DNAI4: variants seen among roughly 807,000 people sequenced by gnomAD.
DNAI4 encodes WD repeat domain 78.
In DNAI4, 85 loss-of-function variants were observed where a neutral mutation model predicts 105.8. The ratio of observed to expected loss-of-function variants is 0.80; its 90% confidence interval spans 0.67 to 0.96. The LOEUF (loss-of-function observed/expected upper bound fraction) is 0.96, where lower values mean the gene tolerates loss of function less well. Ranked by LOEUF, DNAI4 falls within the 40% of genes least tolerant of loss-of-function variation. DNAI4 has a pLI of 0.00. For synonymous variants in DNAI4, 352 were observed against 331.5 expected, an observed-to-expected ratio of 1.06 and a Z score of -0.67; for missense variants, 1,014 against 1,005.6, an observed-to-expected ratio of 1.01 and a Z score of -0.11.
At chr1:66,864,876 G>C (rs1163315007) in intron 6 of DNAI4, among the ~76,000 whole-genome samples, 1 of 152,172 alleles carries the variant, frequency 6.6e-6, no homozygotes, top group African/African-American at 2.4e-5. Flanking sequence ...CCAAAAGTTA[G>C]GAGAGTGGAT....
At chr1:66,859,289 A>C (rs1387367276) in intron 7 of DNAI4, among the ~76,000 whole-genome samples, 2 of 152,200 alleles carry the variant, frequency 1.3e-5, no homozygotes, top group African/African-American at 4.8e-5. Flanking sequence ...TACAATCCAA[A>C]AAAACTAAAA....
intron 1 of DNAI4, among the ~76,000 whole-genome samples, chr1:66,910,010 C>T (rs1174151359): frequency 6.6e-6 from 1 of 152,018 alleles, no homozygotes; most frequent in Non-Finnish European, 1.5e-5. Context: ...ACCTTGATCC[C>T]CTAAAGTTTA....
At chr1:66,836,262 A>AAGAAAGAGAGAGAG (rs1646011254) in intron 10 of DNAI4, among the ~76,000 whole-genome samples, 62 of 11,670 alleles carry the variant, frequency 5.3e-3, no homozygotes, top group Non-Finnish European at 9.8e-3. Flanking sequence ...GAGAGAAAGA[A>AAGAAAGAGAGAGAG]AGAAAGAAAG....
At chr1:66,911,612 G>A (rs528157720) in intron 1 of DNAI4, among the ~76,000 whole-genome samples, 85 of 152,230 alleles carry the variant, frequency 5.6e-4, no homozygotes, top group African/African-American at 2.0e-3. Flanking sequence ...AGATTCTAAG[G>A]ACCATTTGAT....
At chr1:66,887,531 C>G (rs1213994841) in intron 4 of DNAI4, among the ~76,000 whole-genome samples, 1 of 152,004 alleles carries the variant, frequency 6.6e-6, no homozygotes, top group Non-Finnish European at 1.5e-5. Context: ...TATATTAGAA[C>G]AGGCTAATTT....
chr1:66,859,167 A>G (rs559496224), intron 7 of DNAI4, among the ~76,000 whole-genome samples: 1 of 152,326 alleles, frequency 6.6e-6, no homozygotes, highest in South Asian at 2.1e-4. Context: ...TAAAAGGGCA[A>G]AACATCCACA....
intron 4 of DNAI4, among the ~76,000 whole-genome samples, chr1:66,885,429 C>A (rs1647171938): frequency 6.6e-6 from 1 of 152,208 alleles, no homozygotes; most frequent in South Asian, 2.1e-4. Context: ...TTCTCCTTCA[C>A]TGTTGAAGGA....
chr1:66,851,671 A>AGC (rs1646399549), intron 7 of DNAI4, among the ~76,000 whole-genome samples: 1 of 152,004 alleles, frequency 6.6e-6, no homozygotes, highest in African/African-American at 2.4e-5. Context: ...AAAAAAACAA[A>AGC]ATGCTGTAAA....
intron 4 of DNAI4, among the ~76,000 whole-genome samples, chr1:66,880,078 G>A (rs1647036377): frequency 6.6e-6 from 1 of 152,198 alleles, no homozygotes; most frequent in South Asian, 2.1e-4. Context: ...TCTCTATTTT[G>A]CATGCCACCA....
chr1:66,878,530 T>C (rs766186587), intron 4 of DNAI4, among the ~76,000 whole-genome samples: 253 of 152,306 alleles, frequency 1.7e-3, no homozygotes, highest in Middle Eastern at 0.01. Flanking sequence ...GTATCATTAC[T>C]TCTAGGCTTT....
chr1:66,824,479 A>T (rs1357365265), intron 15 of DNAI4, among the ~76,000 whole-genome samples: 4 of 152,090 alleles, frequency 2.6e-5, no homozygotes, highest in African/African-American at 9.7e-5. Flanking sequence ...GATGGCATTG[A>T]ATCTGTAAAT....
At chr1:66,860,335 AT>A (rs1230150798) in intron 7 of DNAI4, among the ~76,000 whole-genome samples, 5 of 152,072 alleles carry the variant, frequency 3.3e-5, no homozygotes, top group Non-Finnish European at 7.4e-5. Context: ...GAATAAAAAT[AT>A]TTTTTAAATC....
At chr1:66,866,348 A>C (rs900941230) in intron 6 of DNAI4, among the ~76,000 whole-genome samples, 1 of 152,098 alleles carries the variant, frequency 6.6e-6, no homozygotes, top group South Asian at 2.1e-4. Context: ...TGCAAGCTAG[A>C]TGCAGAAAAG....
chr1:66,855,355 CTTCT>C (rs933082803), intron 7 of DNAI4, among the ~76,000 whole-genome samples: 43 of 152,322 alleles, frequency 2.8e-4, no homozygotes, highest in African/African-American at 1.0e-3. Context: ...GAAATGCCTC[CTTCT>C]GAGATCTGTG....
intron 15 of DNAI4, among the ~76,000 whole-genome samples, chr1:66,825,703 T>C (rs1645739072): frequency 6.6e-6 from 1 of 152,208 alleles, no homozygotes; most frequent in South Asian, 2.1e-4. Context: ...TGGGATTATT[T>C]AAGAAGCCAC....
At chr1:66,901,074 T>C (rs1484211992) in intron 2 of DNAI4, among the ~76,000 whole-genome samples, 1 of 152,222 alleles carries the variant, frequency 6.6e-6, no homozygotes, top group Non-Finnish European at 1.5e-5. Context: ...TGCGTGTTTA[T>C]ATCATGAAAA....
At chr1:66,835,893 C>T (rs1645975819) in intron 10 of DNAI4, 116 bp from the exon 11 acceptor site, 3 of 803,138 alleles carry the variant, frequency 3.7e-6, no homozygotes, top group African/African-American at 3.5e-5. Flanking sequence ...AGTTAGCCCA[C>T]ATTCAGTTAC....
intron 2 of DNAI4, among the ~76,000 whole-genome samples, chr1:66,903,056 T>C (rs770271377): frequency 6.6e-5 from 10 of 152,224 alleles, no homozygotes; most frequent in Non-Finnish European, 1.3e-4. Flanking sequence ...CATTTTAGGA[T>C]AGGTTTTTCT....
chr1:66,881,566 A>G (rs1422137199), intron 4 of DNAI4, among the ~76,000 whole-genome samples: 1 of 152,158 alleles, frequency 6.6e-6, no homozygotes, highest in Non-Finnish European at 1.5e-5. Flanking sequence ...AATTTCTCCC[A>G]TTTGGATCAA....
Sources: allele counts gnomAD v4.1 joint callset (sites outside exome capture counted in the v4.1 genomes callset), GRCh38; gene constraint gnomAD v4.1.1; transcripts MANE v1.5; gene names NCBI Gene and HGNC (gene_info 2026-07-23, HGNC 2026-07-21).